The following SEMA3D variants were observed in gnomAD, a reference collection of about 807,000 sequenced individuals.
SEMA3D encodes the protein semaphorin 3D.
In SEMA3D, 84 loss-of-function variants were observed where a neutral mutation model predicts 100.1. The observed-to-expected ratio is 0.84, with a 90% CI of 0.70 to 1.01. The LOEUF (loss-of-function observed/expected upper bound fraction) is 1.01, where lower values mean the gene tolerates loss of function less well. SEMA3D is among the 50% of genes least tolerant of loss of function. SEMA3D has a pLI of 0.00. For missense variants in SEMA3D, 875 were observed against 934.1 expected (o/e 0.94, Z 0.82); for synonymous variants, 312 against 320.7 (o/e 0.97, Z 0.29).
At chr7:85,022,248 A>G (rs545231882) in intron 13 of SEMA3D, 143 bp downstream of exon 13, 2 of 626,056 alleles carry the variant, frequency 3.2e-6, no homozygotes, top group South Asian at 3.9e-5. Context: ...TAAAAGCTAC[A>G]TAATTTTAAG....
chr7:85,182,586 C>T (rs1791437260), intron 1 of SEMA3D, among the ~76,000 whole-genome samples: 1 of 152,010 alleles, frequency 6.6e-6, no homozygotes, highest in African/African-American at 2.4e-5. Flanking sequence ...GTAAAGAATA[C>T]AAATGTTTGA....
At chr7:85,132,998 T>C (rs1789768916) in intron 2 of SEMA3D, among the ~76,000 whole-genome samples, 1 of 151,980 alleles carries the variant, frequency 6.6e-6, no homozygotes, top group African/African-American at 2.4e-5. Context: ...GCAATATGTA[T>C]AGAATGAGTT....
chr7:85,209,659 C>T, the SEMA3D span, among the ~76,000 whole-genome samples: 451 of 152,068 alleles, frequency 3.0e-3, 1 homozygote, highest in African/African-American at 0.01. Context: ...TCTTTCTTCC[C>T]AAATACAGTT....
At position 85,073,099 on chromosome 7, in the gene SEMA3D, T is replaced by A; in HGVS notation, c.376-18A>T. The stretch of plus-strand genomic sequence containing the variant: ...CATTCTGTCTGTTGGGCACAAAAAT[T>A]AAAAGCATTAACACACAATTCAGGT... On this transcript the variant is annotated intron_variant, in intron 5 of 18. Transcript: ENST00000284136. 1.2e-6 allele frequency: 2 copies of A among 1,610,180 alleles called. No homozygotes were observed. The highest frequency in any genetic ancestry group is 1.7e-6 in the Non-Finnish European group (2 of 1,178,514).
chr7:85,039,014 A>C (rs1157956930), intron 11 of SEMA3D, among the ~76,000 whole-genome samples: 1 of 152,194 alleles, frequency 6.6e-6, no homozygotes, highest in Non-Finnish European at 1.5e-5. Flanking sequence ...ACTAGGAGGC[A>C]GTAAGACCTT....
the SEMA3D span, among the ~76,000 whole-genome samples, chr7:85,233,920 A>G: frequency 6.6e-6 from 1 of 152,318 alleles, no homozygotes; most frequent in Non-Finnish European, 1.5e-5. Flanking sequence ...GGTCTAGATC[A>G]GGGGAAAATG....
In SEMA3D at chr7:85,025,113, C is replaced by T. The variant is rs1045547554; in HGVS notation, c.1192-2500G>A. On this transcript the variant is annotated intron_variant, in intron 12 of 18. Transcript: ENST00000284136. ...CTCCGTATGTATGTACTTTTAATTT[C>T]TAGGTATTAACACAGCCCACCTGAA... Among the ~76,000 whole-genome samples, 16 of 152,012 alleles carry T rather than the reference C, an allele frequency of 1.1e-4. No individual in the cohort carries two copies. In the East Asian group the frequency reaches 3.1e-3, roughly 30 times the overall value.
chr7:85,042,923 A>G (rs1790903392), intron 9 of SEMA3D, among the ~76,000 whole-genome samples: 1 of 152,148 alleles, frequency 6.6e-6, no homozygotes, highest in Admixed American at 6.6e-5. Flanking sequence ...AGTTCAATGA[A>G]TGCTGGTACT....
intron 12 of SEMA3D, among the ~76,000 whole-genome samples, chr7:85,026,916 T>C (rs1253631198): frequency 6.6e-6 from 1 of 152,064 alleles, no homozygotes; most frequent in Non-Finnish European, 1.5e-5. Flanking sequence ...ACCCCTGCTG[T>C]TGAGAAGATT....
chr7:85,065,208 G>A (rs1791581685), intron 8 of SEMA3D, among the ~76,000 whole-genome samples: 1 of 152,292 alleles, frequency 6.6e-6, no homozygotes, highest in Middle Eastern at 3.4e-3. Context: ...GCACAGAAGA[G>A]TGTTGAGGAA....
intron 12 of SEMA3D, among the ~76,000 whole-genome samples, chr7:85,030,654 G>A (rs1790523029): frequency 6.6e-6 from 1 of 151,954 alleles, no homozygotes; most frequent in Non-Finnish European, 1.5e-5. Flanking sequence ...CACTTTTGAG[G>A]AAATATTTAC....
At chr7:85,047,647 T>C (rs1791046620) in intron 9 of SEMA3D, among the ~76,000 whole-genome samples, 1 of 151,854 alleles carries the variant, frequency 6.6e-6, no homozygotes, top group African/African-American at 2.4e-5. Context: ...ATCAGTTTAC[T>C]CTCCAAGACA....
chr7:85,099,537 T>C (rs1788680003), intron 3 of SEMA3D, among the ~76,000 whole-genome samples: 2 of 151,952 alleles, frequency 1.3e-5, no homozygotes, highest in African/African-American at 4.8e-5. Flanking sequence ...TTCAACTTTG[T>C]TGAGTAAATA....
At chr7:85,029,278 G>A in intron 12 of SEMA3D, 1 of 868,972 alleles carries the variant, frequency 1.2e-6, no homozygotes, top group Non-Finnish European at 1.9e-6. Context: ...TGATGACAAG[G>A]GCCATTTGAG....
chr7:85,034,282 T>G (rs933424325), intron 12 of SEMA3D, among the ~76,000 whole-genome samples: 2 of 152,048 alleles, frequency 1.3e-5, no homozygotes, highest in African/African-American at 4.8e-5. Flanking sequence ...AGCTGTGATA[T>G]TCAATGAATA....
rs751893236 is a variant in SEMA3D, at chr7:85,072,435, C to A, written c.495+527G>T. On this transcript the variant is annotated intron_variant, in intron 6 of 18. Transcript: ENST00000284136. ...ATGAAATTATTTATATAATGCAATT[C>A]CACTGCAAGATCTTATGGAAAATGA... Among the ~76,000 whole-genome samples the A allele has an allele frequency of 2.6e-5, 4 of 152,094 alleles. No homozygotes were observed. In the South Asian group the frequency reaches 8.3e-4, roughly 32 times the overall value.
chr7:85,110,497 T>TA (rs1022979512), intron 3 of SEMA3D, among the ~76,000 whole-genome samples: 1 of 151,990 alleles, frequency 6.6e-6, no homozygotes, highest in African/African-American at 2.4e-5. Flanking sequence ...ATATCATACT[T>TA]AAACATTCCT....
chr7:85,083,493 C>T (rs1483179768), intron 4 of SEMA3D, among the ~76,000 whole-genome samples: 1 of 152,170 alleles, frequency 6.6e-6, no homozygotes, highest in Non-Finnish European at 1.5e-5. Context: ...TATTTTTGTT[C>T]TGGTTGTTCC....
At chr7:85,097,722 T>C in intron 4 of SEMA3D, 83 bp downstream of exon 4, 1 of 903,930 alleles carries the variant, frequency 1.1e-6, no homozygotes, top group East Asian at 2.6e-5. Flanking sequence ...ACTGTGTCCC[T>C]TAAAACAAAG....
Sources: gnomAD v4.1 joint callset for allele counts (sites outside exome capture counted in the v4.1 genomes callset) on GRCh38, gnomAD v4.1.1 for gene constraint, MANE v1.5 for transcripts, NCBI Gene and HGNC (gene_info 2026-07-23, HGNC 2026-07-21) for gene names.